NAPRT: variants seen among roughly 807,000 people sequenced by gnomAD.
NAPRT encodes FHA-HIT-interacting protein.
In NAPRT, 66 loss-of-function variants were observed where a neutral mutation model predicts 60.7. That is an observed-to-expected ratio of 1.09 (90% CI 0.89 to 1.33). The LOEUF (loss-of-function observed/expected upper bound fraction) is 1.33. Ranked by LOEUF, NAPRT falls within the 40% of genes most tolerant of loss-of-function variation. The probability of loss-of-function intolerance (pLI) is 0.00; values close to 1 mark genes in which losing one functional copy is unlikely to be tolerated. For missense variants in NAPRT, 818 were observed against 731.5 expected (o/e 1.12, Z -1.36); for synonymous variants, 405 against 335.7 (o/e 1.21, Z -2.26).
Position 143,575,696 on chromosome 8 carries a change from C to A in NAPRT, c.1114G>T (p.Glu372Ter), listed in dbSNP as rs780621549. ...ALARLAQEGSEVNVIGIGTSV... is the reference protein window; with the variant it reads ...ALARLAQEGS ...GTGCCAATGCCAATGACATTCACCT[C>A]ACTGCCCTGGGTGGGGAAGGGGGTG... The change falls in exon 9 of 13, where the codon GAG (glutamate) becomes TAG (stop). Residue 372 changes from glutamate to a stop codon, truncating the protein, a stop_gained. Coordinates refer to ENST00000449291, the MANE Select transcript of NAPRT (RefSeq NM_145201.6). LOFTEE classifies it high-confidence loss of function. The A allele has an allele frequency of 9.0e-5, 142 of 1,581,854 alleles. No homozygotes were observed. The highest frequency in any genetic ancestry group is 4.5e-4 in the Middle Eastern group (2 of 4,436).
chr8:143,574,947 G>A (rs770303689), intron 12 of NAPRT, 39 bp downstream of exon 12: 8 of 1,549,422 alleles, frequency 5.2e-6, no homozygotes, highest in East Asian at 2.4e-5. Flanking sequence ...GAGGGCGGGG[G>A]CGCACAGGGC....
Position 143,577,181 on chromosome 8 carries a change from GGGA to G in NAPRT, c.569-7_569-5del. 6.2e-7 allele frequency: 1 copy of G among 1,611,128 alleles called. No individual in the cohort carries two copies. The highest frequency in any genetic ancestry group is 8.5e-7 in the Non-Finnish European group (1 of 1,178,742). On this transcript the variant is annotated splice_polypyrimidine_tract_variant and splice_region_variant and intron_variant, in intron 4 of 12. Transcript: ENST00000449291. The stretch of plus-strand genomic sequence containing the variant: ...ACGTTGCTGCTGCTGTCGAAGCCTG[GGGA>G]GGAAGGCGGTGGGATTGGGGGACCT...
intron 9 of NAPRT, 29 bp from the exon 10 acceptor site, chr8:143,575,554 G>A (rs777300069): frequency 3.1e-6 from 5 of 1,594,424 alleles, no homozygotes; most frequent in African/African-American, 2.7e-5. Flanking sequence ...GAGCTGGCTG[G>A]TCCTTATCCC....
downstream of NAPRT, chr8:143,573,469 A>G (rs1273625059): frequency 6.6e-6 from 1 of 152,028 alleles, no homozygotes. Flanking sequence ...TTCCCATGAT[A>G]AGACTTCTCA....
Position 143,575,016 on chromosome 8 carries a change from G to A in NAPRT, c.1524C>T (p.His508=). 1 of 1,520,352 alleles carries A rather than the reference G, an allele frequency of 6.6e-7. No homozygotes were observed. Among genetic ancestry groups the A allele is most frequent in the South Asian group, 1.3e-5 (1 of 79,344 alleles). The allele number at this position is 1,520,352 out of a possible 1,614,324, so 94.2% of individuals were successfully genotyped here. Residue 508 remains histidine (H), a synonymous_variant, in exon 12 of 13, where the codon CAC becomes CAT. Coordinates refer to ENST00000449291, the MANE Select transcript of NAPRT (RefSeq NM_145201.6). ...QLSLSRLSPE[H]RRLRSPAQYQ... ...ACTGTGCAGGGCTCCGCAGCCGCCT[G>A]TGCTCAGGGCTGAGTCGGCTCAGGG...
Position 143,576,508 on chromosome 8 carries a change from C to T in NAPRT, c.946G>A (p.Gly316Ser), listed in dbSNP as rs1191150855. ...ALGELGYRAV[G>S]VRLDSGDLLQ... Reference sequence around the variant, plus strand: ...AGGTCACCACTGTCCAGCCTCACGCCCACTGCCCGGTAGCCCAGCTCTCCC... The same window carrying T: ...AGGTCACCACTGTCCAGCCTCACGCTCACTGCCCGGTAGCCCAGCTCTCCC... The change falls in exon 7 of 13, where the codon GGC (glycine) becomes AGC (serine). Residue 316 changes from glycine (G) to serine (S), a missense_variant. By Grantham distance (56) the Gly-to-Ser change is moderately conservative (BLOSUM62 0). Transcript: ENST00000449291. 1 of 1,612,592 alleles carries T rather than the reference C, an allele frequency of 6.2e-7. No homozygotes were observed. The highest frequency in any genetic ancestry group is 1.1e-5 in the South Asian group (1 of 91,038).
chr8:143,575,546 G>A (rs778068428), intron 9 of NAPRT, 21 bp from the exon 10 acceptor site: 2 of 1,596,766 alleles, frequency 1.3e-6, no homozygotes, highest in Non-Finnish European at 1.7e-6. Context: ...AGGGCGTTGA[G>A]CTGGCTGGTC....
downstream of NAPRT, among the ~76,000 whole-genome samples, chr8:143,573,178 AGGGGCTG>A (rs539304572): frequency 5.4e-4 from 82 of 152,196 alleles, no homozygotes; most frequent in African/African-American, 1.9e-3. Flanking sequence ...GCCTGGGGCT[AGGGGCTG>A]GCCCCGCCCC....
In NAPRT at chr8:143,576,166, C is replaced by A; in HGVS notation, c.1023-4G>T. 3.1e-6 allele frequency: 5 copies of A among 1,591,328 alleles called. No individual in the cohort carries two copies. The highest frequency in any genetic ancestry group is 1.7e-4 in the Middle Eastern group (1 of 5,974). ...CTCCAGCCAGGGCACCTGGAACCTG[C>A]CGCGTGGGTGGAGAAAGGGTGGGGG... On this transcript the variant is annotated splice_region_variant and splice_polypyrimidine_tract_variant and intron_variant, in intron 7 of 12. Transcript: ENST00000449291.
chr8:143,575,822 T>C, intron 8 of NAPRT, 120 bp from the exon 9 acceptor site: 3 of 392,008 alleles, frequency 7.7e-6, no homozygotes, highest in Non-Finnish European at 1.2e-5. Context: ...GGCAGTGCCC[T>C]GGGTGGGGAA....
At position 143,576,146 on chromosome 8, in the gene NAPRT, G is replaced by GC. The variant is rs1354475107; in HGVS notation, c.1038dup (p.Leu347AlafsTer13). 1.2e-6 allele frequency: 2 copies of GC among 1,601,742 alleles called. No homozygotes were observed. Among genetic ancestry groups the GC allele is most frequent in the Non-Finnish European group, 1.7e-6 (2 of 1,172,302 alleles). Reference sequence around the variant, plus strand: ...CTGACTACGATGAGGACTGACTCCAGCCAGGGCACCTGGAACCTGCCGCGT... The same window carrying GC: ...CTGACTACGATGAGGACTGACTCCAGCCCAGGGCACCTGGAACCTGCCGCGT... On this transcript the variant is annotated frameshift_variant, in exon 8 of 13. Transcript: ENST00000449291. LOFTEE classifies it high-confidence loss of function.
At position 143,576,568 on chromosome 8, in the gene NAPRT, C is replaced by T; in HGVS notation, c.886G>A (p.Gly296Ser). Reference sequence around the variant, plus strand: ...GCGACTGCTAGGAAGTTGGGGAGACCACTCCTGCAGAAATAGATAAGGGAG... The same window carrying T: ...GCGACTGCTAGGAAGTTGGGGAGACTACTCCTGCAGAAATAGATAAGGGAG... Reference protein sequence around the residue: ...LLDTYSVWRSGLPNFLAVALA... With the variant: ...LLDTYSVWRSSLPNFLAVALA... The change falls in exon 7 of 13, where the codon GGT becomes AGT. Residue 296 changes from glycine (G) to serine (S), a missense_variant. Coordinates refer to ENST00000449291, the MANE Select transcript of NAPRT (RefSeq NM_145201.6). The T allele has an allele frequency of 6.2e-7, 1 of 1,610,806 alleles. No homozygotes were observed. The highest frequency in any genetic ancestry group is 8.5e-7 in the Non-Finnish European group (1 of 1,179,076).
chr8:143,576,650 A>T lies in NAPRT; in HGVS notation c.877T>A (p.Trp293Arg). 6.2e-7 allele frequency: 1 copy of T among 1,609,666 alleles called. No homozygotes were observed. The highest frequency in any genetic ancestry group is 8.5e-7 in the Non-Finnish European group (1 of 1,178,060). ...CCCTAAAGTGCCCGGGCTCACCTCC[A>T]CACGCTGTAGGTGTCCAGGAGGCCC... ...FQGLLDTYSV[W>R]RSGLPNFLAV... The change falls in exon 6 of 13, where the codon TGG (tryptophan) becomes AGG (arginine). Residue 293 changes from tryptophan (W) to arginine (R), a missense_variant. Trp to Arg is a moderately radical substitution (Grantham distance 101, BLOSUM62 -3). Transcript: ENST00000449291.
At chr8:143,578,047 G>A in intron 1 of NAPRT, 46 bp downstream of exon 1, 2 of 1,498,736 alleles carry the variant, frequency 1.3e-6, no homozygotes, top group Non-Finnish European at 1.8e-6. Context: ...CATAGGTGGG[G>A]GTTTCTGCCG....
intron 1 of NAPRT, 55 bp from the exon 2 acceptor site, chr8:143,577,998 C>A: frequency 6.4e-7 from 1 of 1,565,076 alleles, no homozygotes; most frequent in Non-Finnish European, 8.7e-7. Flanking sequence ...GGTCGTGGGA[C>A]ATGGGGGGTT....
chr8:143,576,740 C>A lies in NAPRT; in HGVS notation c.787G>T (p.Glu263Ter), dbSNP rs757639899. Residue 263 changes from glutamate to a stop codon, truncating the protein, a stop_gained, in exon 6 of 13, where the codon GAG (glutamate) becomes TAG (stop). Coordinates refer to ENST00000449291, the MANE Select transcript of NAPRT (RefSeq NM_145201.6). LOFTEE classifies it high-confidence loss of function. ...GCTGCCCGCTCGCCTGGATGCGGCTCCTGCACCCCCAGCCCCAGGTGGGCA... is the reference window on the plus strand; with the variant it reads ...GCTGCCCGCTCGCCTGGATGCGGCTACTGCACCCCCAGCCCCAGGTGGGCA... ...VCAHLGLGVQ[E>*]PHPGERAAFV... The A allele has an allele frequency of 1.2e-6, 2 of 1,608,064 alleles. No individual in the cohort carries two copies. The highest frequency in any genetic ancestry group is 2.2e-5 in the East Asian group (1 of 44,670).
chr8:143,575,265 C>T lies in NAPRT; in HGVS notation c.1372G>A (p.Gly458Arg). The change falls in exon 11 of 13, where the codon GGG (glycine) becomes AGG (arginine). Residue 458 changes from glycine (G) to arginine (R), a missense_variant. Coordinates refer to ENST00000449291, the MANE Select transcript of NAPRT (RefSeq NM_145201.6). ...CTCACGGTGCAGGGCTCCTGGGCCC[C>T]TGGAGGCCACACCCTCAGCTCCTGC... ...AGQELRVWPP[G>R]AQEPCTVRPA... 6.2e-7 allele frequency: 1 copy of T among 1,612,650 alleles called. No individual in the cohort carries two copies. Among genetic ancestry groups the T allele is most frequent in the South Asian group, 1.1e-5 (1 of 91,072 alleles).
rs749653339 is a variant in NAPRT, at chr8:143,575,072, G to A, written c.1468C>T (p.Leu490=). 1.3e-6 allele frequency: 2 copies of A among 1,509,984 alleles called. No homozygotes were observed. Among genetic ancestry groups the A allele is most frequent in the Non-Finnish European group, 1.8e-6 (2 of 1,124,146 alleles). The allele number at this position is 1,509,984 out of a possible 1,614,324, so 93.5% of individuals were successfully genotyped here. The part of the protein sequence containing the change: ...QGQLCEPLPS[L]AESRALAQLS... The stretch of plus-strand genomic sequence containing the variant: ...TGGGCCAAGGCTCTAGACTCTGCCA[G>A]GGATGGGAGCGGCTCACACAGCTGC... Residue 490 remains leucine, a synonymous_variant, in exon 12 of 13, where the codon CTG becomes TTG. Coordinates refer to ENST00000449291, the MANE Select transcript of NAPRT (RefSeq NM_145201.6).
rs1399277830 is a variant in NAPRT, at chr8:143,575,098, AGGG to A, written c.1447-8_1447-6del. 3 of 1,527,598 alleles carry A rather than the reference AGGG, an allele frequency of 2.0e-6. No homozygotes were observed. Among genetic ancestry groups the A allele is most frequent in the Admixed American group, 4.0e-5 (2 of 49,554 alleles). The allele number at this position is 1,527,598 out of a possible 1,614,324, so 94.6% of individuals were successfully genotyped here. On this transcript the variant is annotated splice_region_variant and splice_polypyrimidine_tract_variant and intron_variant, in intron 11 of 12. Coordinates refer to ENST00000449291, the MANE Select transcript of NAPRT (RefSeq NM_145201.6). ...GGATGGGAGCGGCTCACACAGCTGCAGGGAGGAGGTAAGGAAAGAGAAGCTTGG... is the reference window on the plus strand; with the variant it reads ...GGATGGGAGCGGCTCACACAGCTGCAAGGAGGTAAGGAAAGAGAAGCTTGG...
Sources: allele counts gnomAD v4.1 joint callset (sites outside exome capture counted in the v4.1 genomes callset), GRCh38; gene constraint gnomAD v4.1.1; transcripts MANE v1.5; gene names NCBI Gene and HGNC (gene_info 2026-07-23, HGNC 2026-07-21).